Variants in STAU2 observed in about 807,000 individuals in gnomAD.
STAU2 encodes the protein staufen double-stranded RNA binding protein 2.
A neutral mutation model predicts 65.9 loss-of-function variants in STAU2; 20 were observed. The ratio of observed to expected loss-of-function variants is 0.30; its 90% CI spans 0.21 to 0.44. The LOEUF (loss-of-function observed/expected upper bound fraction) is 0.44. Ranked by LOEUF, STAU2 falls within the 20% of genes least tolerant of loss-of-function variation. The pLI, the probability that STAU2 is intolerant of heterozygous loss-of-function variation, is 1.00. For missense variants in STAU2, 558 were observed against 683.9 expected (o/e 0.82, Z 2.05); for synonymous variants, 232 against 233.9 (o/e 0.99, Z 0.07).
At chr8:73,654,503 T>C (rs1816145760) in intron 6 of STAU2, among the ~76,000 whole-genome samples, 1 of 151,358 alleles carries the variant, frequency 6.6e-6, no homozygotes, top group Admixed American at 6.6e-5. Flanking sequence ...AATAAAAAAT[T>C]AGCCAGACAT....
chr8:73,494,319 G>A (rs1052490464), intron 13 of STAU2, among the ~76,000 whole-genome samples: 1 of 151,430 alleles, frequency 6.6e-6, no homozygotes, highest in African/African-American at 2.4e-5. Flanking sequence ...GAGATGAGGT[G>A]AACAAATATA....
chr8:73,675,686 T>A (rs1817989253), intron 5 of STAU2: 1 of 152,160 alleles, frequency 6.6e-6, no homozygotes, highest in South Asian at 2.1e-4. Flanking sequence ...ATACTCTTCA[T>A]AAATATTATG....
intron 1 of STAU2, among the ~76,000 whole-genome samples, chr8:73,745,767 G>T (rs1000209186): frequency 3.3e-5 from 5 of 152,118 alleles, no homozygotes; most frequent in African/African-American, 1.2e-4. Context: ...ATGGGGGTAA[G>T]GGGACATCAC....
chr8:73,616,540 T>G (rs1232461738), intron 7 of STAU2, among the ~76,000 whole-genome samples: 1 of 151,964 alleles, frequency 6.6e-6, no homozygotes, highest in Non-Finnish European at 1.5e-5. Context: ...GGCTCACGCC[T>G]GTAATCCCAG....
At chr8:73,699,685 C>G (rs1819944803) in intron 4 of STAU2, among the ~76,000 whole-genome samples, 1 of 151,804 alleles carries the variant, frequency 6.6e-6, no homozygotes, top group Admixed American at 6.6e-5. Context: ...GAAAAGCTTC[C>G]CAGTAAAGAA....
At chr8:73,483,282 T>TA (rs1261515265) in intron 13 of STAU2, among the ~76,000 whole-genome samples, 2 of 152,046 alleles carry the variant, frequency 1.3e-5, no homozygotes, top group Admixed American at 6.6e-5. Context: ...CACAAGAACT[T>TA]AAAGAAATCA....
intron 13 of STAU2, among the ~76,000 whole-genome samples, chr8:73,499,850 A>G (rs1314342107): frequency 6.6e-6 from 1 of 151,928 alleles, no homozygotes; most frequent in Non-Finnish European, 1.5e-5. Flanking sequence ...ATATCCTTGC[A>G]TATGGGCTCT....
intron 3 of STAU2, among the ~76,000 whole-genome samples, chr8:73,730,157 C>T (rs935743294): frequency 2.6e-5 from 4 of 151,968 alleles, no homozygotes; most frequent in African/African-American, 9.7e-5. Flanking sequence ...ATGTTTATTG[C>T]TAATAATTTC....
At chr8:73,542,033 C>T (rs945095367) in intron 13 of STAU2, among the ~76,000 whole-genome samples, 2 of 151,536 alleles carry the variant, frequency 1.3e-5, no homozygotes, top group African/African-American at 4.9e-5. Context: ...AATAGTGGTC[C>T]AAAACATTCC....
chr8:73,618,614 T>C (rs1813007717), intron 6 of STAU2, among the ~76,000 whole-genome samples: 1 of 152,238 alleles, frequency 6.6e-6, no homozygotes, highest in South Asian at 2.1e-4. Context: ...TGGAAGGTTC[T>C]GCACAGAGAA....
intron 6 of STAU2, among the ~76,000 whole-genome samples, chr8:73,632,215 A>G (rs1327759917): frequency 2.6e-5 from 4 of 152,058 alleles, no homozygotes; most frequent in African/African-American, 9.7e-5. Flanking sequence ...AGATAGTTTT[A>G]TTTCCATTTT....
At chr8:73,530,118 G>GA (rs1045319599) in intron 13 of STAU2, among the ~76,000 whole-genome samples, 59 of 152,280 alleles carry the variant, frequency 3.9e-4, no homozygotes, top group African/African-American at 1.4e-3. Context: ...AGTTGGAAGG[G>GA]AACTGGGTCC....
intron 4 of STAU2, among the ~76,000 whole-genome samples, chr8:73,690,453 C>A (rs1326547803): frequency 6.6e-6 from 1 of 151,264 alleles, no homozygotes; most frequent in South Asian, 2.1e-4. Flanking sequence ...CAGAGGACAA[C>A]TGGGGAAATG....
chr8:73,678,078 G>A lies in STAU2; in HGVS notation c.275-4836C>T, dbSNP rs142439522. On this transcript the variant is annotated intron_variant, in intron 5 of 14. Transcript: ENST00000524300. ...GCCACTCTCAACACTCCTGCAGAGC[G>A]GGAGGCATACAGTACTCAATGCACG... 2.6e-3 allele frequency among the ~76,000 whole-genome samples: 397 copies of A among 152,170 alleles called. 3 individuals carry two copies. The highest frequency in any genetic ancestry group is 9.1e-3 in the African/African-American group (379 of 41,514).
chr8:73,665,930 T>C (rs1208040560), intron 6 of STAU2, among the ~76,000 whole-genome samples: 1 of 152,192 alleles, frequency 6.6e-6, no homozygotes, highest in East Asian at 1.9e-4. Flanking sequence ...TCTAATACAA[T>C]GTAAATGCTA....
At chr8:73,423,548 T>C (rs1297440559) in intron 13 of STAU2, among the ~76,000 whole-genome samples, 2 of 152,346 alleles carry the variant, frequency 1.3e-5, no homozygotes, top group Middle Eastern at 3.4e-3. Context: ...CAGGCAGGGC[T>C]GTTTTCATCC....
rs1324563172 is a variant in STAU2, at chr8:73,555,427, T to C, written c.1223-3108A>G. The stretch of plus-strand genomic sequence containing the variant: ...TGCCATTAAGTATAAAAGAGTTTTG[T>C]AAGTTTTTTTAAAAACACTTTAAAT... On this transcript the variant is annotated intron_variant, in intron 12 of 14. Transcript: ENST00000524300. 7.9e-5 allele frequency among the ~76,000 whole-genome samples: 12 copies of C among 152,186 alleles called. No individual in the cohort carries two copies. The East Asian group carries it at 2.3e-3, about 29-fold the overall frequency.
At chr8:73,717,199 C>A (rs188831894) in intron 3 of STAU2, among the ~76,000 whole-genome samples, 1 of 152,218 alleles carries the variant, frequency 6.6e-6, no homozygotes, top group Admixed American at 6.5e-5. Flanking sequence ...GGAATCACTA[C>A]GAAAAAAATA....
chr8:73,739,058 C>A (rs1477920703), intron 2 of STAU2, among the ~76,000 whole-genome samples: 1 of 151,744 alleles, frequency 6.6e-6, no homozygotes, highest in Non-Finnish European at 1.5e-5. Context: ...ATGGTGAAAA[C>A]CCTGCCTCTA....
Sources: allele counts gnomAD v4.1 joint callset (sites outside exome capture counted in the v4.1 genomes callset), GRCh38; gene constraint gnomAD v4.1.1; transcripts MANE v1.5; gene names NCBI Gene and HGNC (gene_info 2026-07-23, HGNC 2026-07-21).